Variants in MYO9B observed in about 807,000 individuals in gnomAD.
MYO9B encodes myosin IXB, also known as unconventional myosin-IXb.
In MYO9B, 71 loss-of-function variants were observed where a neutral mutation model predicts 229.5. The observed-to-expected ratio is 0.31, with a 90% CI of 0.26 to 0.38. The LOEUF (loss-of-function observed/expected upper bound fraction) is 0.38, where lower values mean the gene tolerates loss of function less well. Ranked by LOEUF, MYO9B falls within the 10% of genes least tolerant of loss-of-function variation. The pLI, the probability that MYO9B is intolerant of heterozygous loss-of-function variation, is 1.00. For missense variants in MYO9B, 2,255 were observed against 2,920.5 expected (o/e 0.77, Z 5.25); for synonymous variants, 1,185 against 1,235.8 (o/e 0.96, Z 0.86).
rs2073148013 is a variant in MYO9B, at chr19:17,205,317, C to T, written c.5045C>T (p.Ser1682Phe). Residue 1682 changes from serine (S) to phenylalanine (F), a missense_variant, in exon 31 of 40, where the codon TCC (serine) becomes TTC (phenylalanine). By Grantham distance (155) the Ser-to-Phe change is radical. Around this residue, in one of 7 missense-constraint regions of MYO9B, gnomAD observed 416 missense variants for 605.5 expected, o/e 0.69. Transcript: ENST00000682292. ...KCVHKIQSHC[S>F]YTYGRKGEPG... ...GTGCACAAGATTCAGAGCCACTGCT[C>T]CTACACCTACGGGAGGAAGGTGAGT... The T allele has an allele frequency of 1.2e-6, 2 of 1,613,804 alleles. No individual in the cohort carries two copies. The highest frequency in any genetic ancestry group is 1.3e-5 in the African/African-American group (1 of 75,030).
intron 11 of MYO9B, among the ~76,000 whole-genome samples, chr19:17,169,787 C>T (rs1024030829): frequency 2.9e-5 from 4 of 139,206 alleles, no homozygotes; most frequent in African/African-American, 1.1e-4. Context: ...TCATTCATCT[C>T]AATCCTGTCT....
At chr19:17,115,362 T>C (rs895589695) in intron 2 of MYO9B, among the ~76,000 whole-genome samples, 1 of 152,098 alleles carries the variant, frequency 6.6e-6, no homozygotes, top group African/African-American at 2.4e-5. Context: ...TGAAAATATT[T>C]ACTACCTGGC....
intron 3 of MYO9B, among the ~76,000 whole-genome samples, chr19:17,152,276 A>T (rs1249212545): frequency 6.6e-6 from 1 of 151,992 alleles, no homozygotes; most frequent in African/African-American, 2.4e-5. Context: ...AATATTGGCC[A>T]GGGATGGTGG....
intron 29 of MYO9B, 89 bp downstream of exon 29, chr19:17,202,972 C>T: frequency 6.7e-7 from 1 of 1,483,690 alleles, no homozygotes; most frequent in South Asian, 1.2e-5. Flanking sequence ...TGCGCATGGG[C>T]CCGTCTGCAC....
At chr19:17,113,841 C>A (rs2057873223) in intron 2 of MYO9B, among the ~76,000 whole-genome samples, 1 of 152,094 alleles carries the variant, frequency 6.6e-6, no homozygotes, top group Non-Finnish European at 1.5e-5. Flanking sequence ...GCAGGGCAAA[C>A]CCCAGAGGCG....
At position 17,184,998 on chromosome 19, in the gene MYO9B, C is replaced by A. The variant is rs376760400; in HGVS notation, c.2496+11C>A. 6.2e-6 allele frequency: 10 copies of A among 1,613,608 alleles called. No individual in the cohort carries two copies. The highest frequency in any genetic ancestry group is 4.5e-5 in the East Asian group (2 of 44,890). On this transcript the variant is annotated intron_variant, in intron 17 of 39. Coordinates refer to ENST00000682292, the MANE Select transcript of MYO9B (RefSeq NM_004145.4). Reference sequence around the variant, plus strand: ...AGCGCCCAGTTCCAGGTAGGTGGAGCAGGAGAGGCAGAAGGTGGCGGTCAG... The same window carrying A: ...AGCGCCCAGTTCCAGGTAGGTGGAGAAGGAGAGGCAGAAGGTGGCGGTCAG...
intron 35 of MYO9B, among the ~76,000 whole-genome samples, chr19:17,209,047 A>G (rs566461803): frequency 6.6e-6 from 1 of 151,928 alleles, no homozygotes; most frequent in African/African-American, 2.4e-5. Flanking sequence ...CTCCAAGCTG[A>G]GTCCCTCTGG....
intron 19 of MYO9B, 132 bp downstream of exon 19, chr19:17,188,177 C>A: frequency 1.4e-6 from 1 of 708,936 alleles, no homozygotes; most frequent in East Asian, 3.2e-5. Flanking sequence ...GCCTGTAATC[C>A]CAGCACCTTG....
intron 8 of MYO9B, among the ~76,000 whole-genome samples, chr19:17,160,857 G>A (rs1038171650): frequency 1.3e-4 from 20 of 152,078 alleles, no homozygotes; most frequent in African/African-American, 4.3e-4. Context: ...GTGCCACCAC[G>A]CCCGGCTACT....
chr19:17,083,026 CTTTTTTTTTT>C (rs71334657), intron 1 of MYO9B, among the ~76,000 whole-genome samples: 1 of 90,922 alleles, frequency 1.1e-5, no homozygotes, highest in Non-Finnish European at 2.0e-5. Flanking sequence ...GTGAATCTTG[CTTTTTTTTTT>C]TTTTTTTTTT....
rs2072676764 is a variant in MYO9B, at chr19:17,167,825, A to G, written c.1672-118A>G. On this transcript the variant is annotated intron_variant, in intron 10 of 39. Transcript: ENST00000682292. ...CACGCATCAGTTTAAAAAGTTTCCT[A>G]TTTTGAAGCATTTCAGATTTTCGGA... 4.7e-5 allele frequency: 64 copies of G among 1,357,188 alleles called. 1 individual carries two copies. In the South Asian group the frequency reaches 8.5e-4, roughly 18 times the overall value. The allele number at this position is 1,357,188 out of a possible 1,614,324, so 84.1% of individuals were successfully genotyped here.
chr19:17,131,989 C>T (rs1246178450), intron 2 of MYO9B, among the ~76,000 whole-genome samples: 1 of 151,762 alleles, frequency 6.6e-6, no homozygotes, highest in Non-Finnish European at 1.5e-5. Flanking sequence ...AAGTGATCCT[C>T]CCATTTCAGC....
At chr19:17,093,801 T>C (rs562301952) in intron 1 of MYO9B, among the ~76,000 whole-genome samples, 138 of 152,126 alleles carry the variant, frequency 9.1e-4, no homozygotes, top group African/African-American at 3.3e-3. Context: ...CAAGTAGTCC[T>C]GCCACCTCAG....
chr19:17,081,041 G>A (rs1418888284), intron 1 of MYO9B, among the ~76,000 whole-genome samples: 2 of 152,006 alleles, frequency 1.3e-5, no homozygotes, highest in African/African-American at 4.8e-5. Flanking sequence ...TTTATTTTGG[G>A]GGCGGGGGCA....
chr19:17,088,342 A>T (rs1361638707), intron 1 of MYO9B, among the ~76,000 whole-genome samples: 1 of 152,162 alleles, frequency 6.6e-6, no homozygotes, highest in African/African-American at 2.4e-5. Flanking sequence ...ATCTTAACTG[A>T]CTACATCCCC....
chr19:17,182,431 G>T (rs2072871939), intron 15 of MYO9B, among the ~76,000 whole-genome samples: 1 of 151,756 alleles, frequency 6.6e-6, no homozygotes. Flanking sequence ...TTGAGGCAGA[G>T]TCTCACTCTG....
At chr19:17,119,511 C>T (rs992614134) in intron 2 of MYO9B, among the ~76,000 whole-genome samples, 4 of 152,090 alleles carry the variant, frequency 2.6e-5, no homozygotes, top group East Asian at 1.9e-4. Flanking sequence ...TGCCTGAGTG[C>T]GCTCCCATCC....
chr19:17,144,111 G>T (rs1299149727), intron 2 of MYO9B, among the ~76,000 whole-genome samples: 1 of 151,930 alleles, frequency 6.6e-6, no homozygotes, highest in African/African-American at 2.4e-5. Context: ...AGCTACTTGG[G>T]AGGCTGAGGC....
At position 17,194,727 on chromosome 19, in the gene MYO9B, G is replaced by T; in HGVS notation, c.3300G>T (p.Glu1100Asp). ...PAEDGGHLASEPEVQPSDRSP... is the reference protein window; with the variant it reads ...PAEDGGHLASDPEVQPSDRSP... ...AGGATGGCGGGCACCTGGCATCGGAGCCTGAGGTGCAGCCAAGTGACAGGT... is the reference window on the plus strand; with the variant it reads ...AGGATGGCGGGCACCTGGCATCGGATCCTGAGGTGCAGCCAAGTGACAGGT... The change falls in exon 22 of 40, where the codon GAG becomes GAT. Residue 1100 changes from glutamate (E) to aspartate (D), a missense_variant. Physicochemically the swap from Glu to Asp is conservative, Grantham distance 45 (BLOSUM62 2). This residue lies in a region of MYO9B where 679 missense variants were observed against 770.2 expected (regional missense o/e 0.88). Coordinates refer to ENST00000682292, the MANE Select transcript of MYO9B (RefSeq NM_004145.4). 1 of 1,612,980 alleles carries T rather than the reference G, an allele frequency of 6.2e-7. No homozygotes were observed. The highest frequency in any genetic ancestry group is 2.2e-5 in the East Asian group (1 of 44,876).
Sources: allele counts gnomAD v4.1 joint callset (sites outside exome capture counted in the v4.1 genomes callset), GRCh38; gene constraint gnomAD v4.1.1; regional missense constraint gnomAD v4.1.1; transcripts MANE v1.5; gene names NCBI Gene and HGNC (gene_info 2026-07-23, HGNC 2026-07-21).